Variants in RNF150 observed in about 807,000 individuals in gnomAD.
The protein encoded by RNF150 is ring finger protein 150.
In RNF150, 24 loss-of-function variants were observed where a neutral mutation model predicts 39.3. That is an observed-to-expected ratio of 0.61 (90% CI 0.44 to 0.86). The LOEUF (loss-of-function observed/expected upper bound fraction) is 0.86. RNF150 is among the 40% of genes least tolerant of loss of function. RNF150 has a pLI of 0.00. For missense variants in RNF150, 502 were observed against 587.8 expected (o/e 0.85, Z 1.51); for synonymous variants, 255 against 227.3 (o/e 1.12, Z -1.10).
chr4:141,091,730 C>A (rs960189970), intron 1 of RNF150, among the ~76,000 whole-genome samples: 9 of 152,120 alleles, frequency 5.9e-5, no homozygotes, highest in Non-Finnish European at 8.8e-5. Context: ...GATGATGTAA[C>A]AAGGAGGCAA....
chr4:140,889,042 GT>G (rs113030164), intron 6 of RNF150, among the ~76,000 whole-genome samples: 4,040 of 145,466 alleles, frequency 0.028, 63 homozygotes, highest in South Asian at 0.053. Flanking sequence ...TAAACAGTTT[GT>G]TTTTTTTTTT....
Position 141,082,703 on chromosome 4 carries a change from C to T in RNF150, c.484+49622G>A, listed in dbSNP as rs914045191. ...TCCCAGGTTCACGCCATTCTCCTGC[C>T]TCAGCCTCCCGAGTAGCTGGGACTA... On this transcript the variant is annotated intron_variant, in intron 1 of 6. Coordinates refer to ENST00000515673, the MANE Select transcript of RNF150 (RefSeq NM_020724.2). Among the ~76,000 whole-genome samples, 4 of 151,378 alleles carry T rather than the reference C, an allele frequency of 2.6e-5. No homozygotes were observed. In the South Asian group the frequency reaches 8.4e-4, roughly 32 times the overall value.
At chr4:141,013,747 G>A (rs1443703844) in intron 1 of RNF150, among the ~76,000 whole-genome samples, 1 of 152,138 alleles carries the variant, frequency 6.6e-6, no homozygotes, top group East Asian at 1.9e-4. Flanking sequence ...AGGATGTAAC[G>A]TGAAGTTCTG....
chr4:140,923,674 G>A (rs1731256970), intron 5 of RNF150, among the ~76,000 whole-genome samples: 1 of 152,140 alleles, frequency 6.6e-6, no homozygotes. Context: ...ATGCACACGT[G>A]TGTTTATTGC....
At chr4:140,888,702 A>AT (rs1282072914) in intron 6 of RNF150, among the ~76,000 whole-genome samples, 1 of 152,228 alleles carries the variant, frequency 6.6e-6, no homozygotes, top group Non-Finnish European at 1.5e-5. Flanking sequence ...ACCACAGCTC[A>AT]TGTAGCAGTC....
chr4:140,924,234 AAT>A (rs1338676484), intron 5 of RNF150, among the ~76,000 whole-genome samples: 2 of 152,202 alleles, frequency 1.3e-5, no homozygotes. Context: ...CCATGGCCAG[AAT>A]GCCCAAATGC....
At chr4:140,918,804 A>G (rs1179562949) in intron 5 of RNF150, among the ~76,000 whole-genome samples, 3 of 152,194 alleles carry the variant, frequency 2.0e-5, no homozygotes, top group South Asian at 2.1e-4. Context: ...CTGGCAAACC[A>G]AATCCAGCAG....
intron 1 of RNF150, among the ~76,000 whole-genome samples, chr4:141,058,099 G>C (rs556723813): frequency 6.6e-6 from 1 of 152,096 alleles, no homozygotes; most frequent in South Asian, 2.1e-4. Flanking sequence ...TTCTGATCTT[G>C]ATATACCAAA....
chr4:141,087,552 C>A (rs987868293), intron 1 of RNF150, among the ~76,000 whole-genome samples: 3 of 152,100 alleles, frequency 2.0e-5, no homozygotes, highest in Non-Finnish European at 4.4e-5. Flanking sequence ...TTTTAACTTT[C>A]AACATAATGA....
At chr4:141,113,712 A>G (rs1578743173) in intron 1 of RNF150, among the ~76,000 whole-genome samples, 1 of 152,328 alleles carries the variant, frequency 6.6e-6, no homozygotes, top group East Asian at 1.9e-4. Flanking sequence ...TCAACAGAAT[A>G]TACATTCTTC....
chr4:141,038,555 G>C (rs1270664905), intron 1 of RNF150, among the ~76,000 whole-genome samples: 7 of 152,062 alleles, frequency 4.6e-5, no homozygotes, highest in Admixed American at 4.6e-4. Context: ...ACCAGGCATG[G>C]TGGCATGTGT....
chr4:141,170,143 G>T (rs1727685267), intron 1 of RNF150, among the ~76,000 whole-genome samples: 1 of 152,124 alleles, frequency 6.6e-6, no homozygotes, highest in Non-Finnish European at 1.5e-5. Flanking sequence ...TGGAGATACT[G>T]AATCAAATTT....
intron 1 of RNF150, among the ~76,000 whole-genome samples, chr4:141,080,380 C>A (rs1258680084): frequency 6.6e-6 from 1 of 152,218 alleles, no homozygotes. Context: ...TTTGCAATCA[C>A]CTGTCTGCAT....
At chr4:140,994,817 T>C (rs767386011) in intron 1 of RNF150, among the ~76,000 whole-genome samples, 4 of 152,182 alleles carry the variant, frequency 2.6e-5, no homozygotes, top group Non-Finnish European at 5.9e-5. Context: ...TTATGTTCAA[T>C]CTATAAGTCT....
In RNF150 at chr4:141,104,384, C is replaced by T. The variant is rs190990980; in HGVS notation, c.484+27941G>A. Among the ~76,000 whole-genome samples, 5 of 152,276 alleles carry T rather than the reference C, an allele frequency of 3.3e-5. No individual in the cohort carries two copies. The East Asian group carries it at 9.7e-4, about 29-fold the overall frequency. ...CCTTTTTCTTTCATCCATTTTGAAT[C>T]ATCTCCAATAAAGCTAATGGTAGTC... is the stretch of plus-strand genomic sequence containing the variant. On this transcript the variant is annotated intron_variant, in intron 1 of 6. Coordinates refer to ENST00000515673, the MANE Select transcript of RNF150 (RefSeq NM_020724.2).
intron 1 of RNF150, among the ~76,000 whole-genome samples, chr4:141,044,472 A>T (rs1736486977): frequency 6.6e-6 from 1 of 152,212 alleles, no homozygotes. Context: ...AAACATTAAT[A>T]TACAAAAAAT....
chr4:140,919,484 G>A (rs1009209163), intron 5 of RNF150, among the ~76,000 whole-genome samples: 118 of 148,610 alleles, frequency 7.9e-4, no homozygotes, highest in East Asian at 2.2e-3. Flanking sequence ...TACAAGGGAC[G>A]TGAAGGACCT....
At chr4:140,880,645 TTTTG>T (rs1553987743) in intron 6 of RNF150, among the ~76,000 whole-genome samples, 112 of 151,550 alleles carry the variant, frequency 7.4e-4, no homozygotes, top group African/African-American at 2.4e-3. Flanking sequence ...CTGGGTTTTT[TTTTG>T]TTTGTTTGTT....
At chr4:141,193,470 T>G (rs529449031) in intron 1 of RNF150, among the ~76,000 whole-genome samples, 164 of 152,372 alleles carry the variant, frequency 1.1e-3, no homozygotes, top group Non-Finnish European at 2.0e-3. Context: ...TATTCCTTTC[T>G]TCACATCTTT....
Sources: allele counts gnomAD v4.1 joint callset (sites outside exome capture counted in the v4.1 genomes callset), GRCh38; gene constraint gnomAD v4.1.1; transcripts MANE v1.5; gene names NCBI Gene and HGNC (gene_info 2026-07-23, HGNC 2026-07-21).